Variants in WDR70 observed in about 807,000 individuals in gnomAD.
WDR70 encodes the protein WD repeat-containing protein 70.
WDR70 carries 53 observed loss-of-function variants against 88.6 expected under a neutral mutation model. That is an observed-to-expected ratio of 0.60 (90% CI 0.48 to 0.75). The LOEUF is 0.75. Among genes scored for constraint, WDR70 ranks in the 30% least tolerant of loss-of-function variants. WDR70 has a pLI of 0.00. For missense variants in WDR70, 610 were observed against 823.2 expected (o/e 0.74, Z 3.17); for synonymous variants, 280 against 270.0 (o/e 1.04, Z -0.36).
chr5:37,633,169 C>G (rs1744865546), intron 10 of WDR70, among the ~76,000 whole-genome samples: 1 of 152,128 alleles, frequency 6.6e-6, no homozygotes, highest in African/African-American at 2.4e-5. Flanking sequence ...TTTCTCAGAA[C>G]TTATTCTCAT....
At chr5:37,537,746 A>C (rs1292767871) in intron 9 of WDR70, among the ~76,000 whole-genome samples, 1 of 152,222 alleles carries the variant, frequency 6.6e-6, no homozygotes, top group Non-Finnish European at 1.5e-5. Context: ...TGTCAAATGA[A>C]TATTTTACCA....
At chr5:37,410,671 T>G (rs1256707336) in intron 5 of WDR70, among the ~76,000 whole-genome samples, 1 of 152,198 alleles carries the variant, frequency 6.6e-6, no homozygotes, top group Non-Finnish European at 1.5e-5. Flanking sequence ...ACCTTATAAA[T>G]GGTATGTACA....
chr5:37,438,908 G>A (rs946656686), intron 6 of WDR70, among the ~76,000 whole-genome samples: 1 of 146,226 alleles, frequency 6.8e-6, no homozygotes, highest in African/African-American at 2.5e-5. Context: ...GTCCTCATTC[G>A]TTTTTTTTTT....
intron 9 of WDR70, among the ~76,000 whole-genome samples, chr5:37,523,431 A>G (rs1741159276): frequency 6.6e-6 from 1 of 152,234 alleles, no homozygotes; most frequent in Non-Finnish European, 1.5e-5. Flanking sequence ...TGACTGTTAG[A>G]GGGAAAACTA....
intron 10 of WDR70, among the ~76,000 whole-genome samples, chr5:37,615,505 G>T (rs1376452510): frequency 2.0e-5 from 3 of 152,156 alleles, no homozygotes; most frequent in Admixed American, 6.5e-5. Context: ...TAAGACCAGG[G>T]ATTCTGTGTT....
intron 5 of WDR70, among the ~76,000 whole-genome samples, chr5:37,434,308 A>G (rs1318603339): frequency 5.3e-5 from 8 of 152,164 alleles, no homozygotes; most frequent in Non-Finnish European, 1.2e-4. Flanking sequence ...ACAATTCAAG[A>G]TGAGATTTTG....
At chr5:37,423,244 A>G (rs956654854) in intron 5 of WDR70, among the ~76,000 whole-genome samples, 2 of 152,154 alleles carry the variant, frequency 1.3e-5, no homozygotes, top group African/African-American at 4.8e-5. Context: ...ACTGAAGGTT[A>G]CAAGTGGAGT....
rs1343623769 is a variant in WDR70 at position 37,466,704 on chromosome 5, T to C, written c.687-13130T>C. ...CTGGGCGACAGAGCGAGACTCCATCTCAAAAAAAAAAAAAAAAAAAAAAAA... is the reference window on the plus strand; with the variant it reads ...CTGGGCGACAGAGCGAGACTCCATCCCAAAAAAAAAAAAAAAAAAAAAAAA... On this transcript the variant is annotated intron_variant, in intron 7 of 17. Coordinates refer to ENST00000265107, the MANE Select transcript of WDR70 (RefSeq NM_018034.4). Among the ~76,000 whole-genome samples the C allele has an allele frequency of 8.4e-4, 18 of 21,306 alleles. No homozygotes were observed. In the East Asian group the frequency reaches 0.028, roughly 33 times the overall value. 14.0% of individuals were successfully genotyped at this position (21,306 alleles called of 152,430 possible). A position where few individuals can be genotyped will look rare whatever the true frequency, so the allele number is the denominator to read the frequency against.
chr5:37,725,381 C>G (rs1747941995), intron 16 of WDR70, among the ~76,000 whole-genome samples: 1 of 151,922 alleles, frequency 6.6e-6, no homozygotes. Context: ...CCACTGCTCT[C>G]AATATTGGCT....
intron 3 of WDR70, among the ~76,000 whole-genome samples, chr5:37,390,717 G>GT (rs560301932): frequency 0.26 from 34,997 of 132,306 alleles, 5,918 homozygotes; most frequent in African/African-American, 0.5. Flanking sequence ...AAAAAGTGCT[G>GT]TTTTTTTTTT....
At chr5:37,385,952 G>A (rs1581240292) in intron 3 of WDR70, among the ~76,000 whole-genome samples, 1 of 151,408 alleles carries the variant, frequency 6.6e-6, no homozygotes, top group Non-Finnish European at 1.5e-5. Flanking sequence ...TATAGGTACC[G>A]GACACCATGC....
chr5:37,522,749 G>T (rs1490454187), intron 9 of WDR70, among the ~76,000 whole-genome samples: 2 of 152,222 alleles, frequency 1.3e-5, no homozygotes, highest in Non-Finnish European at 2.9e-5. Context: ...AGCTGTGACA[G>T]ATGGCACCTG....
At chr5:37,471,513 C>G (rs1739325563) in intron 7 of WDR70, among the ~76,000 whole-genome samples, 1 of 150,514 alleles carries the variant, frequency 6.6e-6, no homozygotes, top group Non-Finnish European at 1.5e-5. Flanking sequence ...GATCTAGGGA[C>G]TTTCGTTGGT....
rs776845615 is a variant in WDR70 at position 37,713,133 on chromosome 5, A to G, written c.1417-7982A>G. 2.6e-5 allele frequency among the ~76,000 whole-genome samples: 4 copies of G among 152,328 alleles called. No individual in the cohort carries two copies. In the South Asian group the frequency reaches 6.2e-4, roughly 24 times the overall value. On this transcript the variant is annotated intron_variant, in intron 13 of 17. Coordinates refer to ENST00000265107, the MANE Select transcript of WDR70 (RefSeq NM_018034.4). ...GTAGGAATCCAGATTCAAACCCTGC[A>G]GTGAAGTGTCTTTTCCTATGACCAC...
chr5:37,486,413 G>T (rs933575087), intron 8 of WDR70, among the ~76,000 whole-genome samples: 1 of 151,024 alleles, frequency 6.6e-6, no homozygotes, highest in African/African-American at 2.4e-5. Context: ...GCATGATCTC[G>T]GCTCACTACA....
At position 37,523,268 on chromosome 5, in the gene WDR70, G is replaced by A. The variant is rs1052830215; in HGVS notation, c.917+6678G>A. On this transcript the variant is annotated intron_variant, in intron 9 of 17. Transcript: ENST00000265107. ...CTGACAACCCACACAGCTGGGTACC[G>A]CTCTGAGACGAAGCTTCCAGAGGAA... Among the ~76,000 whole-genome samples, 47 of 152,206 alleles carry A rather than the reference G, an allele frequency of 3.1e-4. 2 individuals are homozygous for A. The highest frequency in any genetic ancestry group is 6.5e-5 in the Admixed American group (1 of 15,278).
chr5:37,577,695 T>TAA (rs1304001750), intron 9 of WDR70, among the ~76,000 whole-genome samples: 1 of 152,088 alleles, frequency 6.6e-6, no homozygotes, highest in African/African-American at 2.4e-5. Context: ...GACCACTTCC[T>TAA]TGAACAGTTG....
At chr5:37,704,424 T>C (rs1409355495) in intron 13 of WDR70, among the ~76,000 whole-genome samples, 1 of 152,212 alleles carries the variant, frequency 6.6e-6, no homozygotes, top group African/African-American at 2.4e-5. Context: ...TGTAGACATA[T>C]GATTGCACTT....
chr5:37,491,181 A>T (rs1380639467), intron 8 of WDR70, among the ~76,000 whole-genome samples: 1 of 152,140 alleles, frequency 6.6e-6, no homozygotes, highest in Non-Finnish European at 1.5e-5. Context: ...CCCCACACTG[A>T]GGAGCCTCTT....
Sources: gnomAD v4.1 joint callset for allele counts (sites outside exome capture counted in the v4.1 genomes callset) on GRCh38, gnomAD v4.1.1 for gene constraint, MANE v1.5 for transcripts, NCBI Gene and HGNC (gene_info 2026-07-23, HGNC 2026-07-21) for gene names.